HACD3: variants seen among roughly 807,000 people sequenced by gnomAD.
The protein encoded by HACD3 is very-long-chain (3R)-3-hydroxyacyl-CoA dehydratase 3.
In HACD3, 30 loss-of-function variants were observed where a neutral mutation model predicts 55.2. That is an observed-to-expected ratio of 0.54 (90% CI 0.41 to 0.74). HACD3 has a LOEUF of 0.74. Ranked by LOEUF, HACD3 falls within the 30% of genes least tolerant of loss-of-function variation. The pLI, the probability that HACD3 is intolerant of heterozygous loss-of-function variation, is 0.00. For synonymous variants in HACD3, 141 were observed against 151.7 expected (o/e 0.93, Z 0.52); for missense variants, 363 against 440.1 (o/e 0.82, Z 1.57).
At chr15:65,555,187 A>G (rs980838290) in intron 3 of HACD3, among the ~76,000 whole-genome samples, 1 of 152,328 alleles carries the variant, frequency 6.6e-6, no homozygotes, top group African/African-American at 2.4e-5. Flanking sequence ...GTGATCTTGA[A>G]CAAGTCTCTT....
At chr15:65,548,836 G>A (rs2072102364) in intron 1 of HACD3, among the ~76,000 whole-genome samples, 1 of 152,092 alleles carries the variant, frequency 6.6e-6, no homozygotes, top group African/African-American at 2.4e-5. Flanking sequence ...GAAGTGTTGG[G>A]ATTATAGGCA....
At chr15:65,571,153 A>G (rs1446723282) in intron 8 of HACD3, among the ~76,000 whole-genome samples, 1 of 152,218 alleles carries the variant, frequency 6.6e-6, no homozygotes, top group African/African-American at 2.4e-5. Flanking sequence ...TTAAAATAGC[A>G]TATGTCTGAT....
chr15:65,549,426 GAAAAAAAAAAAAAA>G (rs34149100), intron 1 of HACD3, among the ~76,000 whole-genome samples: 1 of 111,064 alleles, frequency 9.0e-6, no homozygotes. Context: ...TCTCTGCTGG[GAAAAAAAAAAAAAA>G]AAAAAAAAAA....
At chr15:65,570,316 A>C (rs2072335813) in intron 8 of HACD3, 113 bp downstream of exon 8, 2 of 756,886 alleles carry the variant, frequency 2.6e-6, no homozygotes, top group Non-Finnish European at 4.2e-6. Context: ...GACTAAGATT[A>C]CATATGTGGA....
At chr15:65,553,467 G>A (rs2072155648) in intron 2 of HACD3, among the ~76,000 whole-genome samples, 1 of 152,124 alleles carries the variant, frequency 6.6e-6, no homozygotes, top group African/African-American at 2.4e-5. Context: ...ACCCAGTGGG[G>A]TAGGATTCTC....
At chr15:65,574,228 G>A (rs1033852704) in intron 10 of HACD3, 6 of 152,252 alleles carry the variant, frequency 3.9e-5, no homozygotes, top group African/African-American at 9.7e-5. Flanking sequence ...TGTCAGCTGG[G>A]GCTGCAGTTT....
intron 1 of HACD3, among the ~76,000 whole-genome samples, chr15:65,532,937 T>C (rs1378870686): frequency 6.6e-6 from 1 of 151,960 alleles, no homozygotes; most frequent in East Asian, 1.9e-4. Context: ...TGTGTAGGAG[T>C]ATGTTTATTG....
intron 10 of HACD3, among the ~76,000 whole-genome samples, chr15:65,572,839 C>T (rs927147500): frequency 1.5e-4 from 22 of 150,134 alleles, no homozygotes; most frequent in African/African-American, 4.2e-4. Flanking sequence ...CGCTTGAACC[C>T]GGGAGGCAGA....
chr15:65,570,810 C>T (rs1441141010), intron 8 of HACD3, among the ~76,000 whole-genome samples: 4 of 152,136 alleles, frequency 2.6e-5, no homozygotes, highest in Non-Finnish European at 5.9e-5. Context: ...CTTCTCAGCT[C>T]CAGGTTTGGT....
chr15:65,555,429 G>C (rs2072179794), intron 3 of HACD3, among the ~76,000 whole-genome samples: 1 of 152,198 alleles, frequency 6.6e-6, no homozygotes, highest in Admixed American at 6.5e-5. Flanking sequence ...CTGGCCTTCA[G>C]AAAGAATGCT....
At chr15:65,535,869 T>C in intron 1 of HACD3, 1 of 577,770 alleles carries the variant, frequency 1.7e-6, no homozygotes. Context: ...TTTTTAATTT[T>C]TTTAGAGGTG....
chr15:65,537,952 AAAAAAAATATATATATAT>A (rs1451359481), intron 1 of HACD3, among the ~76,000 whole-genome samples: 3 of 23,152 alleles, frequency 1.3e-4, no homozygotes, highest in South Asian at 1.1e-3. Flanking sequence ...AAAAAAAAAA[AAAAAAAATATATATATAT>A]ATATATATAT....
At position 65,545,705 on chromosome 15, in the gene HACD3, C is replaced by G. The variant is rs959998884; in HGVS notation, c.88-5971C>G. 1.3e-5 allele frequency among the ~76,000 whole-genome samples: 2 copies of G among 151,972 alleles called. 1 individual carries two copies. Among genetic ancestry groups the G allele is most frequent in the South Asian group, 4.2e-4 (2 of 4,816 alleles). Reference sequence around the variant, plus strand: ...TCCTGACCTTGTGATCCGCCCGCCTCGGCCTCCCAAAGTGCTGGGATTACA... The same window carrying G: ...TCCTGACCTTGTGATCCGCCCGCCTGGGCCTCCCAAAGTGCTGGGATTACA... On this transcript the variant is annotated intron_variant, in intron 1 of 10. Coordinates refer to ENST00000261875, the MANE Select transcript of HACD3 (RefSeq NM_016395.4).
At chr15:65,545,555 T>G (rs2072067388) in intron 1 of HACD3, among the ~76,000 whole-genome samples, 1 of 151,672 alleles carries the variant, frequency 6.6e-6, no homozygotes, top group South Asian at 2.1e-4. Flanking sequence ...GCCATTCTCC[T>G]GCCTCAGCCT....
intron 2 of HACD3, chr15:65,553,007 A>G (rs1208944430): frequency 6.6e-6 from 1 of 152,014 alleles, no homozygotes; most frequent in Non-Finnish European, 1.5e-5. Flanking sequence ...CCATGTCCCT[A>G]CAAAGGACAT....
chr15:65,546,324 AAT>A (rs2072076719), intron 1 of HACD3, among the ~76,000 whole-genome samples: 1 of 152,234 alleles, frequency 6.6e-6, no homozygotes, highest in South Asian at 2.1e-4. Context: ...TTTATTAGAT[AAT>A]ATGGAATTAT....
intron 1 of HACD3, among the ~76,000 whole-genome samples, chr15:65,532,324 CAAT>C: frequency 6.6e-6 from 1 of 152,060 alleles, no homozygotes; most frequent in East Asian, 1.9e-4. Context: ...TTCCAGCAGT[CAAT>C]AAAAAAGTAC....
chr15:65,568,081 C>T (rs1391209478), intron 7 of HACD3, among the ~76,000 whole-genome samples: 1 of 151,888 alleles, frequency 6.6e-6, no homozygotes, highest in Non-Finnish European at 1.5e-5. Flanking sequence ...CATCACCACG[C>T]CCAGCTAATT....
At chr15:65,542,667 A>G (rs943367344) in intron 1 of HACD3, among the ~76,000 whole-genome samples, 10 of 152,240 alleles carry the variant, frequency 6.6e-5, no homozygotes, top group African/African-American at 2.4e-4. Flanking sequence ...TATGTGGGGA[A>G]TAGGAATGTG....
Sources: allele counts gnomAD v4.1 joint callset (sites outside exome capture counted in the v4.1 genomes callset), GRCh38; gene constraint gnomAD v4.1.1; transcripts MANE v1.5; gene names NCBI Gene and HGNC (gene_info 2026-07-23, HGNC 2026-07-21).